RBM18: variants seen among roughly 807,000 people sequenced by gnomAD.
The protein encoded by RBM18 is RNA binding motif protein 18, also known as probable RNA-binding protein 18.
Under a neutral mutation model 26.4 loss-of-function variants are expected in RBM18, and 18 were observed. The observed-to-expected ratio is 0.68, with a 90% confidence interval of 0.47 to 1.01. The LOEUF (loss-of-function observed/expected upper bound fraction) is 1.01, where lower values mean the gene tolerates loss of function less well. Among genes scored for constraint, RBM18 ranks in the 50% least tolerant of loss-of-function variants. The probability of loss-of-function intolerance (pLI) is 0.00; values close to 1 mark genes in which losing one functional copy is unlikely to be tolerated. For synonymous variants in RBM18, 74 were observed against 81.1 expected (o/e 0.91, Z 0.47); for missense variants, 180 against 219.2 (o/e 0.82, Z 1.13).
intron 1 of RBM18, 125 bp from the exon 2 acceptor site, chr9:122,261,633 C>T (rs1831798212): frequency 1.6e-6 from 1 of 643,232 alleles, no homozygotes; most frequent in Non-Finnish European, 2.7e-6. Flanking sequence ...TCAAAGGCCT[C>T]AGTGATTCCA....
intron 2 of RBM18, among the ~76,000 whole-genome samples, chr9:122,258,881 G>A (rs1347878180): frequency 1.5e-5 from 2 of 130,032 alleles, no homozygotes; most frequent in African/African-American, 5.9e-5. Flanking sequence ...TTGTGCCACT[G>A]TACTCAAGCC....
In RBM18 at chr9:122,244,847, T is replaced by C. The variant is rs1413673480; in HGVS notation, c.413+409A>G. On this transcript the variant is annotated intron_variant, in intron 5 of 5. Transcript: ENST00000417201. The stretch of plus-strand genomic sequence containing the variant: ...CTGTTATGGCTGTTGCAATGGTACA[T>C]AGAATCAAACATCTGCAAACTAAAA... Among the ~76,000 whole-genome samples, 8 of 152,312 alleles carry C rather than the reference T, an allele frequency of 5.3e-5. No homozygotes were observed. In the South Asian group the frequency reaches 8.3e-4, roughly 16 times the overall value.
At chr9:122,242,321 T>C (rs1412523438) in intron 5 of RBM18, among the ~76,000 whole-genome samples, 2 of 152,214 alleles carry the variant, frequency 1.3e-5, no homozygotes, top group Non-Finnish European at 2.9e-5. Context: ...CAGACACTGT[T>C]AGCACCTTAA....
At chr9:122,261,704 G>A (rs1193980375) in intron 1 of RBM18, among the ~76,000 whole-genome samples, 196 bp from the exon 2 acceptor site, 2 of 152,222 alleles carry the variant, frequency 1.3e-5, no homozygotes, top group African/African-American at 4.8e-5. Context: ...GGGCACACAA[G>A]CTGCCATTTA....
At chr9:122,249,862 G>A (rs1164561493) in intron 3 of RBM18, among the ~76,000 whole-genome samples, 2 of 151,922 alleles carry the variant, frequency 1.3e-5, no homozygotes, top group Non-Finnish European at 2.9e-5. Context: ...CTTGAGCCCA[G>A]GAGTTTGAGG....
chr9:122,260,847 T>C (rs1831781009), intron 2 of RBM18, among the ~76,000 whole-genome samples: 2 of 152,236 alleles, frequency 1.3e-5, no homozygotes. Context: ...TTAAGAAGTC[T>C]GCAAACTGCT....
chr9:122,247,654 G>T, intron 3 of RBM18, 50 bp from the exon 4 acceptor site: 1 of 1,396,848 alleles, frequency 7.2e-7, no homozygotes, highest in Non-Finnish European at 1.0e-6. Flanking sequence ...TGCTTAACTA[G>T]CTATATGTAT....
intron 2 of RBM18, among the ~76,000 whole-genome samples, chr9:122,260,868 C>G (rs1162609258): frequency 1.3e-5 from 2 of 152,184 alleles, no homozygotes; most frequent in Non-Finnish European, 2.9e-5. Context: ...TAGCATGGCA[C>G]TTGGCACTCA....
chr9:122,258,908 C>CAAAAAAAAAAAAAAAAAA (rs11453707), intron 2 of RBM18, among the ~76,000 whole-genome samples: 1 of 109,406 alleles, frequency 9.1e-6, no homozygotes, highest in African/African-American at 3.8e-5. Flanking sequence ...ACAGAGCTGT[C>CAAAAAAAAAAAAAAAAAA]AAAAAAAAAA....
intron 2 of RBM18, among the ~76,000 whole-genome samples, chr9:122,252,332 A>G (rs969903872): frequency 1.3e-5 from 2 of 152,238 alleles, no homozygotes; most frequent in South Asian, 2.1e-4. Flanking sequence ...ATGAAATGGC[A>G]TTTGTGAATA....
chr9:122,252,625 A>T (rs1332519596), intron 2 of RBM18, among the ~76,000 whole-genome samples: 1 of 152,232 alleles, frequency 6.6e-6, no homozygotes, highest in Non-Finnish European at 1.5e-5. Flanking sequence ...CAACTATGTG[A>T]CTGAGGCCGG....
At chr9:122,243,308 A>T (rs780943504) in intron 5 of RBM18, among the ~76,000 whole-genome samples, 1 of 152,160 alleles carries the variant, frequency 6.6e-6, no homozygotes, top group Non-Finnish European at 1.5e-5. Context: ...ATGGCTCTAC[A>T]TGGGTTATCA....
At position 122,239,897 on chromosome 9, in the gene RBM18, TAGA is replaced by T. The variant is rs1831385744; in HGVS notation, c.*1984_*1986del. 6.6e-6 allele frequency: 1 copy of T among 152,218 alleles called. No homozygotes were observed. The highest frequency in any genetic ancestry group is 2.4e-5 in the African/African-American group (1 of 41,456). 9.4% of individuals were successfully genotyped at this position (152,218 alleles called of 1,614,324 possible). A position where few individuals can be genotyped will look rare whatever the true frequency, so the allele number is the denominator to read the frequency against. On this transcript the variant is annotated 3_prime_UTR_variant, in exon 6 of 6. Coordinates refer to ENST00000417201, the MANE Select transcript of RBM18 (RefSeq NM_033117.4). ...CAGAACCCTCTGCAGAGAAGGCACTTAGAAGAAGCACCCCACGTGGACATGCTG... is the reference window on the plus strand; with the variant it reads ...CAGAACCCTCTGCAGAGAAGGCACTTAGAAGCACCCCACGTGGACATGCTG...
chr9:122,248,309 T>C (rs1047700885), intron 3 of RBM18, among the ~76,000 whole-genome samples: 1 of 152,180 alleles, frequency 6.6e-6, no homozygotes, highest in Non-Finnish European at 1.5e-5. Flanking sequence ...ACTTAACATA[T>C]GTTAGTAATA....
In RBM18 at chr9:122,241,990, T is replaced by C; in HGVS notation, c.467A>G (p.Asn156Ser). The change falls in exon 6 of 6, where the codon AAT becomes AGT. Residue 156 changes from asparagine to serine, a missense_variant. This residue lies in a region of RBM18 where 103 missense variants were observed against 102.8 expected (regional missense o/e 1.00). Transcript: ENST00000417201. ...CGCTGCTGGATACTCTGCATCAGGA[T>C]TTTCCGCCATCATTTTCAGTTTTGC... ...IEAKLKMMAE[N>S]PDAEYPAAPV... 6.2e-7 allele frequency: 1 copy of C among 1,614,074 alleles called. No individual in the cohort carries two copies. Among genetic ancestry groups the C allele is most frequent in the Admixed American group, 1.7e-5 (1 of 60,008 alleles).
intron 4 of RBM18, among the ~76,000 whole-genome samples, chr9:122,246,968 G>A (rs1316763287): frequency 1.3e-5 from 2 of 152,082 alleles, no homozygotes; most frequent in East Asian, 3.9e-4. Context: ...ACTAATTACA[G>A]AATGAACAGG....
At chr9:122,259,280 T>C (rs1409394234) in intron 2 of RBM18, among the ~76,000 whole-genome samples, 1 of 152,160 alleles carries the variant, frequency 6.6e-6, no homozygotes, top group Non-Finnish European at 1.5e-5. Context: ...ACCAACGCTG[T>C]TTCCACACTT....
chr9:122,253,897 G>A (rs750083517), intron 2 of RBM18, among the ~76,000 whole-genome samples: 28 of 151,550 alleles, frequency 1.8e-4, no homozygotes, highest in Non-Finnish European at 2.5e-4. Context: ...GCATGGTGGC[G>A]CATGCCCGTA....
At chr9:122,260,674 TG>T (rs958395321) in intron 2 of RBM18, among the ~76,000 whole-genome samples, 7 of 152,182 alleles carry the variant, frequency 4.6e-5, no homozygotes, top group African/African-American at 1.7e-4. Flanking sequence ...TATGGAGCCC[TG>T]GAAGTTCTAC....
Sources: allele counts gnomAD v4.1 joint callset (sites outside exome capture counted in the v4.1 genomes callset), GRCh38; gene constraint gnomAD v4.1.1; regional missense constraint gnomAD v4.1.1; transcripts MANE v1.5; gene names NCBI Gene and HGNC (gene_info 2026-07-23, HGNC 2026-07-21).